Variants in RPS6KC1 observed in about 807,000 individuals in gnomAD.
RPS6KC1 encodes the protein inactive ribosomal protein S6 kinase delta-1.
Under a neutral mutation model 103.8 loss-of-function variants are expected in RPS6KC1, and 54 were observed. The observed-to-expected ratio is 0.52, with a 90% CI of 0.42 to 0.65. RPS6KC1 has a LOEUF of 0.65. RPS6KC1 is among the 30% of genes least tolerant of loss of function. The pLI, the probability that RPS6KC1 is intolerant of heterozygous loss-of-function variation, is 0.00. For synonymous variants in RPS6KC1, 439 were observed against 438.7 expected (o/e 1.00, Z -0.01); for missense variants, 1,151 against 1,253.8 (o/e 0.92, Z 1.24).
At chr1:213,574,316 C>T in the RPS6KC1 span, among the ~76,000 whole-genome samples, 1 of 152,142 alleles carries the variant, frequency 6.6e-6, no homozygotes, top group Non-Finnish European at 1.5e-5. Context: ...GGAATCTGAT[C>T]AGCTTACCAA....
the RPS6KC1 span, among the ~76,000 whole-genome samples, chr1:213,468,710 G>T: frequency 6.6e-6 from 1 of 152,182 alleles, no homozygotes; most frequent in Admixed American, 6.5e-5. Context: ...CATTCTGGTT[G>T]TTATAGTGCA....
In RPS6KC1 at chr1:213,087,769, G is replaced by A. The variant is rs1442533055; in HGVS notation, c.262+9953G>A. Among the ~76,000 whole-genome samples, 6 of 152,192 alleles carry A rather than the reference G, an allele frequency of 3.9e-5. No homozygotes were observed. The East Asian group carries it at 1.2e-3, about 29-fold the overall frequency. On this transcript the variant is annotated intron_variant, in intron 3 of 14. Transcript: ENST00000366960. ...GTGCCGCAGTCCTATTGGAGACTGA[G>A]TTTCTAACTCTCTGGCTCCTTCTGT...
the RPS6KC1 span, among the ~76,000 whole-genome samples, chr1:213,738,460 T>A: frequency 6.6e-6 from 1 of 152,060 alleles, no homozygotes; most frequent in Non-Finnish European, 1.5e-5. Flanking sequence ...AGCCGCTGAC[T>A]AGAGGATGTC....
chr1:213,702,369 A>G, the RPS6KC1 span, among the ~76,000 whole-genome samples: 6 of 152,046 alleles, frequency 3.9e-5, no homozygotes, highest in Non-Finnish European at 8.8e-5. Context: ...CTATGTGCTA[A>G]GGAAAAGAAT....
the RPS6KC1 span, among the ~76,000 whole-genome samples, chr1:213,324,923 G>A: frequency 6.6e-6 from 1 of 151,972 alleles, no homozygotes; most frequent in Non-Finnish European, 1.5e-5. Context: ...GAGGGCTGCC[G>A]TGGGGTGGGG....
chr1:213,405,790 A>G, the RPS6KC1 span, among the ~76,000 whole-genome samples: 1 of 152,152 alleles, frequency 6.6e-6, no homozygotes, highest in Non-Finnish European at 1.5e-5. Flanking sequence ...CTCTTGTATA[A>G]GAGCGTGTAT....
chr1:213,144,079 A>G lies in RPS6KC1; in HGVS notation c.835+14190A>G, dbSNP rs1328713495. On this transcript the variant is annotated intron_variant, in intron 6 of 14. Transcript: ENST00000366960. ...GAATAATCTAGGATAATTGCCCTAT[A>G]TCAAAACCCTTAACCTTAATCACAT... 2.0e-5 allele frequency among the ~76,000 whole-genome samples: 3 copies of G among 152,066 alleles called. No individual in the cohort carries two copies. The East Asian group carries it at 5.8e-4, about 29-fold the overall frequency.
the RPS6KC1 span, among the ~76,000 whole-genome samples, chr1:213,718,860 T>C: frequency 1.3e-5 from 2 of 152,240 alleles, no homozygotes; most frequent in Non-Finnish European, 2.9e-5. Flanking sequence ...CCTGAGATTC[T>C]GCTCCTATAA....
the RPS6KC1 span, among the ~76,000 whole-genome samples, chr1:213,743,033 TG>T: frequency 6.6e-6 from 1 of 152,230 alleles, no homozygotes; most frequent in East Asian, 1.9e-4. Flanking sequence ...ATCCCATTAC[TG>T]GGTATATATC....
chr1:213,777,312 C>A, the RPS6KC1 span, among the ~76,000 whole-genome samples: 1 of 152,162 alleles, frequency 6.6e-6, no homozygotes, highest in Non-Finnish European at 1.5e-5. Context: ...ACGTGTGACT[C>A]TTCCTTTTAC....
At chr1:213,478,896 A>G in the RPS6KC1 span, among the ~76,000 whole-genome samples, 3 of 152,026 alleles carry the variant, frequency 2.0e-5, no homozygotes, top group African/African-American at 4.8e-5. Context: ...AGAGGGAACA[A>G]TTCTCATGAA....
At chr1:213,366,867 T>C in the RPS6KC1 span, among the ~76,000 whole-genome samples, 2 of 152,242 alleles carry the variant, frequency 1.3e-5, no homozygotes, top group African/African-American at 4.8e-5. Context: ...CCAAAATCTG[T>C]CTTTCTGTAT....
chr1:213,433,340 A>G, the RPS6KC1 span, among the ~76,000 whole-genome samples: 1 of 152,228 alleles, frequency 6.6e-6, no homozygotes, highest in African/African-American at 2.4e-5. Context: ...TTCTCACATC[A>G]AAGTCAGTAA....
At chr1:213,721,502 A>G in the RPS6KC1 span, among the ~76,000 whole-genome samples, 1 of 152,120 alleles carries the variant, frequency 6.6e-6, no homozygotes, top group Non-Finnish European at 1.5e-5. Flanking sequence ...TTTGCCTTCC[A>G]CTGTGATTGG....
chr1:213,417,519 C>T, the RPS6KC1 span, among the ~76,000 whole-genome samples: 1 of 152,158 alleles, frequency 6.6e-6, no homozygotes, highest in Non-Finnish European at 1.5e-5. Context: ...GGGGAAGGTG[C>T]AGCCCCCAGA....
chr1:213,823,846 T>C, the RPS6KC1 span, among the ~76,000 whole-genome samples: 3 of 152,116 alleles, frequency 2.0e-5, no homozygotes, highest in Non-Finnish European at 4.4e-5. Context: ...TTTTTACATA[T>C]ATTATCTCAT....
At chr1:213,655,141 C>T in the RPS6KC1 span, among the ~76,000 whole-genome samples, 67 of 152,238 alleles carry the variant, frequency 4.4e-4, no homozygotes, top group Non-Finnish European at 2.6e-4. Flanking sequence ...CTCCCAGGCT[C>T]AAGTGATTTT....
At chr1:213,476,162 G>A in the RPS6KC1 span, among the ~76,000 whole-genome samples, 1 of 152,094 alleles carries the variant, frequency 6.6e-6, no homozygotes, top group Non-Finnish European at 1.5e-5. Flanking sequence ...AACCTCCCCG[G>A]CTGTAAACCT....
chr1:213,306,800 G>A, the RPS6KC1 span, among the ~76,000 whole-genome samples: 27 of 152,324 alleles, frequency 1.8e-4, no homozygotes, highest in Non-Finnish European at 2.6e-4. Flanking sequence ...CACTTAGTAG[G>A]TAGTAGGCAC....
Sources: allele counts gnomAD v4.1 joint callset (sites outside exome capture counted in the v4.1 genomes callset), GRCh38; gene constraint gnomAD v4.1.1; transcripts MANE v1.5; gene names NCBI Gene and HGNC (gene_info 2026-07-23, HGNC 2026-07-21).